The following VPS37A variants were observed in gnomAD, a reference collection of about 807,000 sequenced individuals.
The protein encoded by VPS37A is VPS37A subunit of ESCRT-I, also known as vacuolar protein sorting-associated protein 37A.
A neutral mutation model predicts 49.8 loss-of-function variants in VPS37A; 30 were observed. The observed-to-expected ratio is 0.60, with a 90% CI of 0.45 to 0.82. The LOEUF is 0.82. Among genes scored for constraint, VPS37A ranks in the 40% least tolerant of loss-of-function variants. The pLI is 0.00. For missense variants in VPS37A, 593 were observed against 464.4 expected (o/e 1.28, Z -2.55); for synonymous variants, 195 against 160.6 (o/e 1.21, Z -1.62).
downstream of VPS37A, chr8:17,301,901 AGTTGACCTAAAAT>A (rs1817143109): frequency 1.6e-5 from 7 of 443,286 alleles, no homozygotes; most frequent in East Asian, 2.4e-4. Flanking sequence ...TAACCAAACA[AGTTGACCTAAAAT>A]AAGGAACAAC....
At chr8:17,289,734 G>A (rs1460630619) in intron 11 of VPS37A, among the ~76,000 whole-genome samples, 2 of 152,172 alleles carry the variant, frequency 1.3e-5, no homozygotes, top group Non-Finnish European at 2.9e-5. Flanking sequence ...TTCTAATTCT[G>A]TGAAGAAATT....
intron 1 of VPS37A, among the ~76,000 whole-genome samples, chr8:17,252,974 A>T (rs1291986152): frequency 6.6e-6 from 1 of 152,208 alleles, no homozygotes. Context: ...GACACATTAA[A>T]TTATATTGTC....
At chr8:17,266,036 T>C in intron 2 of VPS37A, 55 bp downstream of exon 2, 1 of 1,481,696 alleles carries the variant, frequency 6.7e-7, no homozygotes, top group Non-Finnish European at 9.2e-7. Context: ...AGTTTTTTTA[T>C]TGTTTCTTAG....
the VPS37A span, among the ~76,000 whole-genome samples, chr8:17,307,615 A>G: frequency 6.6e-6 from 1 of 152,242 alleles, no homozygotes; most frequent in South Asian, 2.1e-4. Flanking sequence ...TATTCACAAT[A>G]GCAAAGACTT....
the VPS37A span, among the ~76,000 whole-genome samples, chr8:17,325,973 T>C: frequency 6.6e-6 from 1 of 152,322 alleles, no homozygotes; most frequent in African/African-American, 2.4e-5. Context: ...GGAAAGCACT[T>C]TATAGTTTGC....
At chr8:17,307,780 G>C in the VPS37A span, among the ~76,000 whole-genome samples, 1 of 151,468 alleles carries the variant, frequency 6.6e-6, no homozygotes, top group African/African-American at 2.4e-5. Flanking sequence ...GCAAACTATC[G>C]CAAGGACAAA....
chr8:17,326,326 A>G, the VPS37A span: 1 of 152,204 alleles, frequency 6.6e-6, no homozygotes, highest in Non-Finnish European at 1.5e-5. Flanking sequence ...AACAACTTCA[A>G]TGAGGTTTAC....
At chr8:17,292,668 C>T (rs2150431254) in intron 11 of VPS37A, among the ~76,000 whole-genome samples, 1 of 152,298 alleles carries the variant, frequency 6.6e-6, no homozygotes, top group African/African-American at 2.4e-5. Context: ...GTGACAGAAT[C>T]CCTCAGCATT....
chr8:17,291,300 A>G (rs1344506547), intron 11 of VPS37A, among the ~76,000 whole-genome samples: 2 of 152,170 alleles, frequency 1.3e-5, no homozygotes, highest in African/African-American at 2.4e-5. Context: ...GGTGTGAGCC[A>G]CCATGCCCAT....
At chr8:17,312,747 T>C in the VPS37A span, among the ~76,000 whole-genome samples, 42 of 152,224 alleles carry the variant, frequency 2.8e-4, no homozygotes, top group African/African-American at 9.4e-4. Flanking sequence ...ACAGGGAACA[T>C]ACCATGGCAT....
downstream of VPS37A, chr8:17,298,626 A>C (rs1226187734): frequency 6.6e-6 from 1 of 152,574 alleles, no homozygotes; most frequent in African/African-American, 2.4e-5. Context: ...ATATTGATCT[A>C]AATTGTAAAG....
chr8:17,247,406 A>AGGTG, intron 1 of VPS37A, 37 bp downstream of exon 1: 1 of 59,020 alleles, frequency 1.7e-5, no homozygotes, highest in Non-Finnish European at 3.4e-5. Context: ...AGGAAAAAGT[A>AGGTG]GGGTGGGAGG....
the VPS37A span, among the ~76,000 whole-genome samples, chr8:17,317,189 G>A: frequency 2.0e-5 from 3 of 152,132 alleles, no homozygotes; most frequent in East Asian, 3.9e-4. Flanking sequence ...TCAGTTTTCT[G>A]CTAATTTTTG....
At chr8:17,257,296 G>A (rs34945602) in intron 1 of VPS37A, among the ~76,000 whole-genome samples, 3 of 152,172 alleles carry the variant, frequency 2.0e-5, no homozygotes, top group Non-Finnish European at 4.4e-5. Flanking sequence ...TAGGCCAGTA[G>A]CATGTGATTT....
chr8:17,259,366 G>T (rs953865540), intron 1 of VPS37A, among the ~76,000 whole-genome samples: 1 of 151,924 alleles, frequency 6.6e-6, no homozygotes, highest in South Asian at 2.1e-4. Flanking sequence ...TAATTTCCAC[G>T]TGGTTGTGTA....
intron 1 of VPS37A, among the ~76,000 whole-genome samples, chr8:17,249,530 G>C (rs569123650): frequency 6.6e-6 from 1 of 152,204 alleles, no homozygotes; most frequent in South Asian, 2.1e-4. Flanking sequence ...AATTATACTC[G>C]AATAATTCCG....
chr8:17,255,079 A>G (rs183548002), intron 1 of VPS37A, among the ~76,000 whole-genome samples: 1 of 152,168 alleles, frequency 6.6e-6, no homozygotes, highest in Non-Finnish European at 1.5e-5. Flanking sequence ...CCCCATATTC[A>G]TCTCTGTATT....
chr8:17,254,252 T>C (rs7834656), intron 1 of VPS37A, among the ~76,000 whole-genome samples: 37,139 of 151,996 alleles, frequency 0.24, 5,776 homozygotes, highest in East Asian at 0.61. Context: ...GTAGGGCAAG[T>C]TGATAGTTAT....
the VPS37A span, among the ~76,000 whole-genome samples, chr8:17,324,260 G>C: frequency 6.6e-6 from 1 of 152,200 alleles, no homozygotes; most frequent in South Asian, 2.1e-4. Flanking sequence ...ACTGTCTGAT[G>C]AATAGATGAG....
Sources: allele counts gnomAD v4.1 joint callset (sites outside exome capture counted in the v4.1 genomes callset), GRCh38; gene constraint gnomAD v4.1.1; transcripts MANE v1.5; gene names NCBI Gene and HGNC (gene_info 2026-07-23, HGNC 2026-07-21).